The following CNTN6 variants were observed in gnomAD, a reference collection of about 807,000 sequenced individuals.
CNTN6 encodes contactin-6.
CNTN6 carries 137 observed loss-of-function variants against 122.8 expected under a neutral mutation model. That is an observed-to-expected ratio of 1.12 (90% confidence interval 0.97 to 1.29). The LOEUF is 1.29. Among genes scored for constraint, CNTN6 ranks in the 50% most tolerant of loss-of-function variants. The pLI, the probability that CNTN6 is intolerant of heterozygous loss-of-function variation, is 0.00. For missense variants in CNTN6, 1,634 were observed against 1,223.4 expected (o/e 1.34, Z -5.01); for synonymous variants, 570 against 426.0 (o/e 1.34, Z -4.16).
chr3:1,161,888 T>C (rs988147906), intron 2 of CNTN6, among the ~76,000 whole-genome samples: 10 of 152,128 alleles, frequency 6.6e-5, no homozygotes, highest in Admixed American at 2.0e-4. Flanking sequence ...ATTGTAATTG[T>C]TTTGTCTATT....
chr3:1,246,305 T>C (rs192823685), intron 4 of CNTN6, among the ~76,000 whole-genome samples: 1 of 152,300 alleles, frequency 6.6e-6, no homozygotes, highest in East Asian at 1.9e-4. Flanking sequence ...CAATATATAA[T>C]ATATTGCTTC....
In CNTN6 at chr3:1,227,956, G is replaced by T. The variant is rs911121325; in HGVS notation, c.321G>T (p.Gly107=). 17 of 1,613,812 alleles carry T rather than the reference G, an allele frequency of 1.1e-5. No individual in the cohort carries two copies. Among genetic ancestry groups the T allele is most frequent in the Non-Finnish European group, 1.4e-5 (17 of 1,179,930 alleles). ...AGTGCCTGGCCACCAATCTTCTGGGGACAATTCTGAGTCGGAAGGCAAAGC... is the reference window on the plus strand; with the variant it reads ...AGTGCCTGGCCACCAATCTTCTGGGTACAATTCTGAGTCGGAAGGCAAAGC... ...MYQCLATNLL[G]TILSRKAKLQ... Residue 107 remains glycine (G), a synonymous_variant, in exon 4 of 23, where the codon GGG becomes GGT. Coordinates refer to ENST00000446702, the MANE Select transcript of CNTN6 (RefSeq NM_001289080.2).
rs779419569 is a variant in CNTN6, at chr3:1,227,924, A to G, written c.289A>G (p.Met97Val). 4 of 1,614,122 alleles carry G rather than the reference A, an allele frequency of 2.5e-6. No homozygotes were observed. The highest frequency in any genetic ancestry group is 2.7e-5 in the African/African-American group (2 of 75,044). Reference sequence around the variant, plus strand: ...CCCCCACACAGATCAAGATATTGGCATGTACCAGTGCCTGGCCACCAATCT... The same window carrying G: ...CCCCCACACAGATCAAGATATTGGCGTGTACCAGTGCCTGGCCACCAATCT... ...NSPHTDQDIGMYQCLATNLLG... is the reference protein window; with the variant it reads ...NSPHTDQDIGVYQCLATNLLG... The change falls in exon 4 of 23, where the codon ATG becomes GTG. Residue 97 changes from methionine to valine, a missense_variant. Transcript: ENST00000446702.
intron 4 of CNTN6, among the ~76,000 whole-genome samples, chr3:1,251,417 G>C (rs2094666962): frequency 6.6e-6 from 1 of 151,998 alleles, no homozygotes; most frequent in Admixed American, 6.6e-5. Flanking sequence ...GCTTCGTCTT[G>C]TCATTCCCTC....
chr3:1,167,202 C>T (rs539788213), intron 2 of CNTN6, among the ~76,000 whole-genome samples: 146 of 152,260 alleles, frequency 9.6e-4, no homozygotes, highest in Non-Finnish European at 1.5e-3. Context: ...TGGCACCTTA[C>T]TACTTGTGTG....
intron 2 of CNTN6, among the ~76,000 whole-genome samples, chr3:1,178,498 C>T (rs1575134533): frequency 2.6e-5 from 4 of 152,230 alleles, no homozygotes; most frequent in Admixed American, 2.6e-4. Flanking sequence ...AGTAGAGCTT[C>T]AATATATGAA....
chr3:1,104,135 C>A (rs1254638682), intron 1 of CNTN6, among the ~76,000 whole-genome samples: 5 of 152,020 alleles, frequency 3.3e-5, no homozygotes, highest in Non-Finnish European at 5.9e-5. Context: ...GATGCGTATT[C>A]TTGAATTCAA....
At chr3:1,190,450 G>T (rs2093685540) in intron 2 of CNTN6, among the ~76,000 whole-genome samples, 1 of 152,156 alleles carries the variant, frequency 6.6e-6, no homozygotes, top group African/African-American at 2.4e-5. Context: ...AAACCGCCTT[G>T]CTTTTTGTAT....
At chr3:1,368,365 A>G (rs1311655923) in intron 12 of CNTN6, among the ~76,000 whole-genome samples, 3 of 152,214 alleles carry the variant, frequency 2.0e-5, no homozygotes, top group Admixed American at 6.5e-5. Flanking sequence ...AAAGAGTTAA[A>G]TCTTTTTAGA....
At chr3:1,279,198 G>A (rs1165560468) in intron 5 of CNTN6, among the ~76,000 whole-genome samples, 1 of 152,130 alleles carries the variant, frequency 6.6e-6, no homozygotes, top group Non-Finnish European at 1.5e-5. Flanking sequence ...ACTCTGGCTT[G>A]GTCAGTGGAC....
At chr3:1,141,818 T>C (rs372346958) in intron 1 of CNTN6, among the ~76,000 whole-genome samples, 1 of 152,180 alleles carries the variant, frequency 6.6e-6, no homozygotes, top group Non-Finnish European at 1.5e-5. Flanking sequence ...TCTCTGTAGC[T>C]TCTAAGTTAG....
rs1700891946 is a variant in CNTN6, at chr3:1,321,783, G to A, written c.895G>A (p.Ala299Thr). Residue 299 changes from alanine to threonine, a missense_variant, in exon 8 of 23, where the codon GCA (alanine) becomes ACA (threonine). Coordinates refer to ENST00000446702, the MANE Select transcript of CNTN6 (RefSeq NM_001289080.2). ...QEDEGFYECI[A>T]SNLRGRNLAK... The stretch of plus-strand genomic sequence containing the variant: ...AGATGAAGGCTTTTATGAGTGCATT[G>A]CAAGCAACCTTCGAGGAAGAAACCT... 6.2e-7 allele frequency: 1 copy of A among 1,611,230 alleles called. No individual in the cohort carries two copies. Among genetic ancestry groups the A allele is most frequent in the African/African-American group, 1.3e-5 (1 of 74,612 alleles).
intron 1 of CNTN6, among the ~76,000 whole-genome samples, chr3:1,125,819 C>T (rs992724065): frequency 3.3e-5 from 5 of 151,724 alleles, no homozygotes; most frequent in African/African-American, 1.2e-4. Context: ...CAACCACAGA[C>T]ATATTGAGAT....
chr3:1,301,651 T>G (rs1259570634), intron 7 of CNTN6, among the ~76,000 whole-genome samples: 2 of 152,188 alleles, frequency 1.3e-5, no homozygotes, highest in Non-Finnish European at 2.9e-5. Flanking sequence ...TGAGATTATG[T>G]TTATTAAATG....
intron 12 of CNTN6, among the ~76,000 whole-genome samples, chr3:1,355,526 A>T (rs1706406960): frequency 6.6e-6 from 1 of 151,758 alleles, no homozygotes; most frequent in Admixed American, 6.6e-5. Flanking sequence ...CATCAATTCA[A>T]CCATTTTCTT....
At chr3:1,160,979 C>T (rs1162704068) in intron 2 of CNTN6, among the ~76,000 whole-genome samples, 3 of 151,584 alleles carry the variant, frequency 2.0e-5, no homozygotes, top group African/African-American at 7.3e-5. Context: ...GAATATTTTC[C>T]TATTACTTAT....
intron 7 of CNTN6, among the ~76,000 whole-genome samples, chr3:1,314,815 A>G (rs1448364008): frequency 6.6e-6 from 1 of 152,108 alleles, no homozygotes; most frequent in African/African-American, 2.4e-5. Flanking sequence ...GTATTTCACA[A>G]TTGTGAAGAA....
At chr3:1,207,219 C>T (rs1189085642) in intron 2 of CNTN6, among the ~76,000 whole-genome samples, 1 of 151,976 alleles carries the variant, frequency 6.6e-6, no homozygotes, top group Non-Finnish European at 1.5e-5. Context: ...TTTCTCTCCC[C>T]AGAAAATGGA....
chr3:1,263,394 G>A (rs1436462366), intron 4 of CNTN6, among the ~76,000 whole-genome samples: 1 of 152,040 alleles, frequency 6.6e-6, no homozygotes, highest in East Asian at 1.9e-4. Flanking sequence ...CCTAATTTTG[G>A]AAGTGACAAG....
Sources: gnomAD v4.1 joint callset for allele counts (sites outside exome capture counted in the v4.1 genomes callset) on GRCh38, gnomAD v4.1.1 for gene constraint, MANE v1.5 for transcripts, NCBI Gene and HGNC (gene_info 2026-07-23, HGNC 2026-07-21) for gene names.